SLCO3A1: variants seen among roughly 807,000 people sequenced by gnomAD.
SLCO3A1 encodes PGE1 transporter.
Under a neutral mutation model 63.1 loss-of-function variants are expected in SLCO3A1, and 27 were observed. That is an observed-to-expected ratio of 0.43 (90% confidence interval 0.32 to 0.59). The LOEUF is 0.59. Ranked by LOEUF, SLCO3A1 falls within the 20% of genes least tolerant of loss-of-function variation. The probability of loss-of-function intolerance (pLI) is 0.09; values close to 1 mark genes in which losing one functional copy is unlikely to be tolerated. For synonymous variants in SLCO3A1, 473 were observed against 409.9 expected (o/e 1.15, Z -1.86); for missense variants, 773 against 945.8 (o/e 0.82, Z 2.40).
intron 3 of SLCO3A1, among the ~76,000 whole-genome samples, chr15:92,103,144 C>T (rs578053502): frequency 1.4e-4 from 22 of 152,230 alleles, no homozygotes; most frequent in African/African-American, 3.6e-4. Context: ...CTGGTGTGTG[C>T]GGTCATTACT....
At position 91,854,213 on chromosome 15, in the gene SLCO3A1, A is replaced by G. The variant is rs544634409; in HGVS notation, c.180+125A>G. The G allele has an allele frequency of 2.7e-6, 3 of 1,129,008 alleles. No homozygotes were observed. The highest frequency in any genetic ancestry group is 8.9e-5 in the Admixed American group (2 of 22,414). 69.9% of individuals were successfully genotyped at this position (1,129,008 alleles called of 1,614,324 possible). A position where few individuals can be genotyped will look rare whatever the true frequency, so the allele number is the denominator to read the frequency against. ...CGGGCATGACCTCGGCCCGGCGTGG[A>G]GGTTGGCGAGTGGTGCAGAGGCGGC... On this transcript the variant is annotated intron_variant, in intron 1 of 9. Transcript: ENST00000318445. The surrounding 1 kb of genome is among the most constrained non-coding windows in gnomAD (Gnocchi z 6.4).
At chr15:92,171,478 A>T (rs970570723) in intron 10 of SLCO3A1, 1 of 295,186 alleles carries the variant, frequency 3.4e-6, no homozygotes, top group Admixed American at 4.7e-5. Flanking sequence ...TAAGATAAGG[A>T]TAAATTATTG....
At chr15:92,086,643 T>G (rs971257761) in intron 2 of SLCO3A1, among the ~76,000 whole-genome samples, 3 of 152,302 alleles carry the variant, frequency 2.0e-5, no homozygotes, top group East Asian at 1.9e-4. Flanking sequence ...TGTAGTCCAG[T>G]CTTTTCTTTC....
At position 91,916,031 on chromosome 15, in the gene SLCO3A1, G is replaced by A. The variant is rs750114133; in HGVS notation, c.219G>A (p.Leu73=). Residue 73 remains leucine (L), a synonymous_variant, in exon 2 of 10, where the codon CTG becomes CTA. Coordinates refer to ENST00000318445, the MANE Select transcript of SLCO3A1 (RefSeq NM_013272.4). The surrounding 1 kb of genome is among the most constrained non-coding windows in gnomAD (Gnocchi z 6.2). Reference sequence around the variant, plus strand: ...CCACCCTGGAGCGTAGGTTCAACCTGCAGAGCGCTGACGTGGGTGTGATCG... The same window carrying A: ...CCACCCTGGAGCGTAGGTTCAACCTACAGAGCGCTGACGTGGGTGTGATCG... ...VLTTLERRFN[L]QSADVGVIAS... 3 of 1,613,390 alleles carry A rather than the reference G, an allele frequency of 1.9e-6. No individual in the cohort carries two copies. Among genetic ancestry groups the A allele is most frequent in the Non-Finnish European group, 2.5e-6 (3 of 1,179,962 alleles).
chr15:92,085,191 A>G (rs1466079947), intron 2 of SLCO3A1, among the ~76,000 whole-genome samples: 1 of 152,142 alleles, frequency 6.6e-6, no homozygotes, highest in Non-Finnish European at 1.5e-5. Flanking sequence ...CAGCTGTAGA[A>G]CCCACTCTGA....
intron 1 of SLCO3A1, among the ~76,000 whole-genome samples, chr15:91,857,697 A>G (rs1157145004): frequency 6.6e-6 from 1 of 152,100 alleles, no homozygotes; most frequent in Non-Finnish European, 1.5e-5. Context: ...GTTTTAAGCC[A>G]CTCGCTGAGG....
At chr15:92,061,614 G>C (rs1205428421) in intron 2 of SLCO3A1, among the ~76,000 whole-genome samples, 1 of 152,218 alleles carries the variant, frequency 6.6e-6, no homozygotes, top group Non-Finnish European at 1.5e-5. Context: ...AAGATCCTAA[G>C]AAAGCTAAGA....
chr15:91,949,016 C>T (rs922106876), intron 2 of SLCO3A1, among the ~76,000 whole-genome samples: 3 of 152,052 alleles, frequency 2.0e-5, no homozygotes, highest in Admixed American at 1.3e-4. Flanking sequence ...CTTCCCTGCC[C>T]TCTGGCAGAT....
chr15:92,033,529 A>T lies in SLCO3A1; in HGVS notation c.647-61352A>T, dbSNP rs1190573827. On this transcript the variant is annotated intron_variant, in intron 2 of 9. Transcript: ENST00000318445. The surrounding 1 kb of genome is among the most constrained non-coding windows in gnomAD (Gnocchi z 4.5). The stretch of plus-strand genomic sequence containing the variant: ...GAGAACGAGGGAGGAGCAGAGGGTG[A>T]CTTCCAGCTGGGACTGGCATGTGTT... 1.3e-5 allele frequency among the ~76,000 whole-genome samples: 2 copies of T among 152,140 alleles called. No individual in the cohort carries two copies. Among genetic ancestry groups the T allele is most frequent in the Admixed American group, 6.5e-5 (1 of 15,276 alleles).
intron 7 of SLCO3A1, among the ~76,000 whole-genome samples, chr15:92,136,411 T>C (rs1245983074): frequency 6.6e-6 from 1 of 152,246 alleles, no homozygotes; most frequent in East Asian, 1.9e-4. Context: ...CTTGTTCTTG[T>C]AATACCGGCT....
chr15:91,892,699 G>A (rs906795231), intron 1 of SLCO3A1, among the ~76,000 whole-genome samples: 16 of 152,152 alleles, frequency 1.1e-4, no homozygotes, highest in Admixed American at 3.3e-4. Context: ...AGGATCTTCC[G>A]TCTTACTCAG....
chr15:92,069,950 G>A (rs922000251), intron 2 of SLCO3A1, among the ~76,000 whole-genome samples: 2 of 152,208 alleles, frequency 1.3e-5, no homozygotes, highest in South Asian at 2.1e-4. Context: ...TAATAAGAAA[G>A]TGAAAATGTT....
At chr15:92,060,015 G>T (rs1353339055) in intron 2 of SLCO3A1, among the ~76,000 whole-genome samples, 1 of 152,140 alleles carries the variant, frequency 6.6e-6, no homozygotes, top group Admixed American at 6.5e-5. Flanking sequence ...ACTGTAGGCA[G>T]TTGCAACGCA....
chr15:92,102,681 G>C (rs1202791403), intron 3 of SLCO3A1, among the ~76,000 whole-genome samples: 2 of 152,190 alleles, frequency 1.3e-5, no homozygotes, highest in African/African-American at 2.4e-5. Flanking sequence ...GTGTATGTCA[G>C]CATCTCCAGG....
chr15:92,145,686 A>C (rs2048212400), intron 7 of SLCO3A1, among the ~76,000 whole-genome samples: 1 of 152,194 alleles, frequency 6.6e-6, no homozygotes, highest in Non-Finnish European at 1.5e-5. Context: ...GTACATGAGA[A>C]GGAACAGAGG....
At chr15:91,867,403 C>T (rs1295335844) in intron 1 of SLCO3A1, among the ~76,000 whole-genome samples, 1 of 152,124 alleles carries the variant, frequency 6.6e-6, no homozygotes, top group East Asian at 1.9e-4. Flanking sequence ...GGTCCTGGGC[C>T]TGAGGACAAA....
At chr15:92,024,088 C>T (rs998960739) in intron 2 of SLCO3A1, among the ~76,000 whole-genome samples, 2 of 152,216 alleles carry the variant, frequency 1.3e-5, no homozygotes, top group Non-Finnish European at 2.9e-5. Context: ...TTTAAATCGT[C>T]TTTTCCCTAT....
intron 2 of SLCO3A1, among the ~76,000 whole-genome samples, chr15:91,964,968 G>C (rs1900602728): frequency 6.6e-6 from 1 of 152,056 alleles, no homozygotes; most frequent in Admixed American, 6.5e-5. Context: ...CCTACCTCTA[G>C]ACTTTTCTGC....
At chr15:92,130,603 C>G (rs1340982878) in intron 7 of SLCO3A1, among the ~76,000 whole-genome samples, 1 of 152,106 alleles carries the variant, frequency 6.6e-6, no homozygotes, top group Non-Finnish European at 1.5e-5. Flanking sequence ...TTAAAAACAA[C>G]CACAACCATA....
Sources: gnomAD v4.1 joint callset for allele counts (sites outside exome capture counted in the v4.1 genomes callset) on GRCh38, gnomAD v4.1.1 for gene constraint, Gnocchi (gnomAD v3.1) non-coding constraint, MANE v1.5 for transcripts, NCBI Gene and HGNC (gene_info 2026-07-23, HGNC 2026-07-21) for gene names.